The following ODAD2 variants were observed in gnomAD, a reference collection of about 807,000 sequenced individuals.
ODAD2 encodes outer dynein arm-docking complex subunit 2.
A neutral mutation model predicts 106.8 loss-of-function variants in ODAD2; 89 were observed. The ratio of observed to expected loss-of-function variants is 0.83; its 90% confidence interval spans 0.70 to 0.99. The LOEUF (loss-of-function observed/expected upper bound fraction) is 0.99, where lower values mean the gene tolerates loss of function less well. Ranked by LOEUF, ODAD2 falls within the 50% of genes least tolerant of loss-of-function variation. The pLI is 0.00. For missense variants in ODAD2, 1,168 were observed against 1,238.5 expected (o/e 0.94, Z 0.85); for synonymous variants, 404 against 436.2 (o/e 0.93, Z 0.92).
chr10:27,824,671 C>A (rs1240389890), intron 19 of ODAD2, among the ~76,000 whole-genome samples: 1 of 152,142 alleles, frequency 6.6e-6, no homozygotes, highest in African/African-American at 2.4e-5. Flanking sequence ...TTGAAACAAT[C>A]CATAGGTTTC....
chr10:27,893,081 C>A (rs963408141), intron 17 of ODAD2, among the ~76,000 whole-genome samples: 2 of 151,966 alleles, frequency 1.3e-5, no homozygotes, highest in South Asian at 2.1e-4. Context: ...ATCGCTTGAA[C>A]CCAGGAGGCA....
chr10:27,845,697 C>T (rs1046347304), intron 19 of ODAD2, among the ~76,000 whole-genome samples: 1 of 152,072 alleles, frequency 6.6e-6, no homozygotes, highest in African/African-American at 2.4e-5. Flanking sequence ...CAGAGACACA[C>T]ATAGGATCAA....
intron 17 of ODAD2, among the ~76,000 whole-genome samples, chr10:27,885,533 A>AT (rs1188217246): frequency 4.8e-4 from 7 of 14,618 alleles, no homozygotes; most frequent in East Asian, 1.7e-3. Flanking sequence ...AAAAAAAAAA[A>AT]ATATATATAT....
Position 27,812,445 on chromosome 10 carries a change from T to C in ODAD2, c.*67A>G. ...AACAACTGTTTCCCAATTTAGGCTT[T>C]CTGGCCATGGGAGTGACATGTCCTG... is the stretch of plus-strand genomic sequence containing the variant. On this transcript the variant is annotated 3_prime_UTR_variant, in exon 20 of 20. Coordinates refer to ENST00000305242, the MANE Select transcript of ODAD2 (RefSeq NM_018076.5). 6 of 1,490,218 alleles carry C rather than the reference T, an allele frequency of 4.0e-6. No individual in the cohort carries two copies. Among genetic ancestry groups the C allele is most frequent in the Non-Finnish European group, 5.5e-6 (6 of 1,099,066 alleles). The allele number at this position is 1,490,218 out of a possible 1,614,324, so 92.3% of individuals were successfully genotyped here.
At chr10:27,958,232 C>T (rs1847868167) in intron 10 of ODAD2, among the ~76,000 whole-genome samples, 1 of 152,148 alleles carries the variant, frequency 6.6e-6, no homozygotes, top group Admixed American at 6.6e-5. Context: ...ATTTAAGTAG[C>T]ACTTCATCAA....
chr10:27,934,424 T>C (rs1386275986), intron 16 of ODAD2, among the ~76,000 whole-genome samples: 1 of 149,614 alleles, frequency 6.7e-6, no homozygotes, highest in Non-Finnish European at 1.5e-5. Context: ...TGTATATGTA[T>C]CTTTTAATAT....
intron 8 of ODAD2, among the ~76,000 whole-genome samples, chr10:27,969,468 A>G (rs1036320641): frequency 3.3e-5 from 5 of 152,308 alleles, no homozygotes; most frequent in African/African-American, 4.8e-5. Flanking sequence ...TGCTTGAAAG[A>G]GTAAGAATAT....
chr10:27,985,304 T>A, intron 3 of ODAD2, 93 bp from the exon 4 acceptor site: 1 of 1,035,080 alleles, frequency 9.7e-7, no homozygotes, highest in Non-Finnish European at 1.3e-6. Flanking sequence ...TCAAAGTCCA[T>A]TCAGACGTGT....
In ODAD2 at chr10:27,854,373, G is replaced by A. The variant is rs114807568; in HGVS notation, c.3021+6252C>T. Reference sequence around the variant, plus strand: ...TCCTAGGTATTTACCTAAGAGAAGAGGAAGCAAATGTCCACCCAATGACTT... The same window carrying A: ...TCCTAGGTATTTACCTAAGAGAAGAAGAAGCAAATGTCCACCCAATGACTT... On this transcript the variant is annotated intron_variant, in intron 19 of 19. Transcript: ENST00000305242. Among the ~76,000 whole-genome samples, 1,165 of 152,282 alleles carry A rather than the reference G, an allele frequency of 7.7e-3. 17 individuals carry two copies. Among genetic ancestry groups the A allele is most frequent in the African/African-American group, 0.027 (1,108 of 41,550 alleles).
intron 19 of ODAD2, among the ~76,000 whole-genome samples, chr10:27,856,191 T>C (rs1415521101): frequency 6.6e-6 from 1 of 152,208 alleles, no homozygotes; most frequent in Non-Finnish European, 1.5e-5. Flanking sequence ...ATCCCTGGGC[T>C]GATACATTTG....
intron 16 of ODAD2, among the ~76,000 whole-genome samples, chr10:27,925,102 C>T (rs984386081): frequency 2.0e-5 from 3 of 151,796 alleles, no homozygotes; most frequent in Middle Eastern, 3.4e-3. Context: ...AGACCAATAT[C>T]ACTCATGAAT....
Position 27,985,007 on chromosome 10 carries a change from A to C in ODAD2, c.575+12T>G. ...TCAATACAATAGAGGTTCCTTTTTG[A>C]AAAAGACTCACAATGAAATATGTTT... On this transcript the variant is annotated intron_variant, in intron 4 of 19. Transcript: ENST00000305242. 1 of 1,598,656 alleles carries C rather than the reference A, an allele frequency of 6.3e-7. No homozygotes were observed. Among genetic ancestry groups the C allele is most frequent in the African/African-American group, 1.3e-5 (1 of 74,268 alleles).
intron 7 of ODAD2, among the ~76,000 whole-genome samples, chr10:27,972,661 T>C (rs1336957736): frequency 6.6e-6 from 1 of 151,880 alleles, no homozygotes; most frequent in African/African-American, 2.4e-5. Flanking sequence ...CCAAAGCAAA[T>C]AATATTAACA....
At chr10:27,826,723 C>T (rs1005157846) in intron 19 of ODAD2, among the ~76,000 whole-genome samples, 4 of 152,098 alleles carry the variant, frequency 2.6e-5, no homozygotes, top group Admixed American at 6.5e-5. Context: ...AAGCTGACTG[C>T]GCCATTAACC....
intron 19 of ODAD2, among the ~76,000 whole-genome samples, chr10:27,857,161 C>G (rs915284890): frequency 5.4e-4 from 82 of 152,226 alleles, no homozygotes; most frequent in African/African-American, 1.9e-3. Context: ...TCAACTTCTT[C>G]CTCCTCCTCT....
intron 19 of ODAD2, among the ~76,000 whole-genome samples, chr10:27,834,029 G>A (rs1837677306): frequency 6.6e-6 from 1 of 152,224 alleles, no homozygotes; most frequent in Non-Finnish European, 1.5e-5. Flanking sequence ...GTGCTGGCCA[G>A]AAGGTGAGTG....
At chr10:27,961,134 G>GT (rs1848108178) in intron 10 of ODAD2, among the ~76,000 whole-genome samples, 1 of 152,134 alleles carries the variant, frequency 6.6e-6, no homozygotes, top group Non-Finnish European at 1.5e-5. Context: ...TAGTCCTGTA[G>GT]TACAGGTATA....
chr10:27,978,134 C>T (rs1849312269), intron 7 of ODAD2, among the ~76,000 whole-genome samples: 1 of 152,122 alleles, frequency 6.6e-6, no homozygotes, highest in African/African-American at 2.4e-5. Flanking sequence ...AGTGGATAAA[C>T]AAATTGTGGC....
intron 10 of ODAD2, among the ~76,000 whole-genome samples, chr10:27,956,037 A>C (rs1387854545): frequency 6.6e-6 from 1 of 152,116 alleles, no homozygotes; most frequent in African/African-American, 2.4e-5. Flanking sequence ...GAGCACAAGC[A>C]TGGCAAGCAG....
Sources: gnomAD v4.1 joint callset for allele counts (sites outside exome capture counted in the v4.1 genomes callset) on GRCh38, gnomAD v4.1.1 for gene constraint, MANE v1.5 for transcripts, NCBI Gene and HGNC (gene_info 2026-07-23, HGNC 2026-07-21) for gene names.